Variants in CPE observed in about 807,000 individuals in gnomAD.
CPE encodes carbocypeptidase E.
Under a neutral mutation model 53.5 loss-of-function variants are expected in CPE, and 17 were observed. The ratio of observed to expected loss-of-function variants is 0.32; its 90% CI spans 0.22 to 0.48. The LOEUF (loss-of-function observed/expected upper bound fraction) is 0.48, where lower values mean the gene tolerates loss of function less well. Ranked by LOEUF, CPE falls within the 20% of genes least tolerant of loss-of-function variation. The pLI is 0.99. For synonymous variants in CPE, 226 were observed against 228.8 expected (o/e 0.99, Z 0.11); for missense variants, 524 against 614.7 (o/e 0.85, Z 1.56).
At chr4:165,494,714 A>G (rs1359474885) in intron 7 of CPE, among the ~76,000 whole-genome samples, 1 of 152,182 alleles carries the variant, frequency 6.6e-6, no homozygotes, top group African/African-American at 2.4e-5. Context: ...TTTTGCTATA[A>G]AGCAAAAAGA....
chr4:165,478,835 C>G (rs1318336514), intron 3 of CPE, among the ~76,000 whole-genome samples: 2 of 152,020 alleles, frequency 1.3e-5, no homozygotes, highest in Non-Finnish European at 2.9e-5. Context: ...TTTTCCTTAC[C>G]CCCGACAGAT....
At chr4:165,445,285 T>C (rs1731688295) in intron 1 of CPE, among the ~76,000 whole-genome samples, 1 of 136,820 alleles carries the variant, frequency 7.3e-6, no homozygotes, top group Admixed American at 7.2e-5. Context: ...TTTCCCTTTT[T>C]TTGTTTTTTT....
intron 1 of CPE, among the ~76,000 whole-genome samples, chr4:165,391,154 T>G (rs1018271286): frequency 2.0e-5 from 3 of 152,196 alleles, no homozygotes; most frequent in Admixed American, 6.5e-5. Flanking sequence ...GTTATTCTTG[T>G]TGCTGTTATT....
intron 1 of CPE, among the ~76,000 whole-genome samples, chr4:165,410,672 AG>A (rs1237222267): frequency 6.6e-6 from 1 of 152,214 alleles, no homozygotes; most frequent in Non-Finnish European, 1.5e-5. Context: ...CTCAAATGGA[AG>A]GTAGAATAAT....
chr4:165,383,323 G>T lies in CPE; in HGVS notation c.307+3795G>T, dbSNP rs1169530872. ...CTTATTTCCATGCTTAAGGACTCAC[G>T]TATTCAAACCCAAACATATGCCTTC... On this transcript the variant is annotated intron_variant, in intron 1 of 8. Coordinates refer to ENST00000402744, the MANE Select transcript of CPE (RefSeq NM_001873.4). Among the ~76,000 whole-genome samples the T allele has an allele frequency of 2.0e-5, 3 of 151,968 alleles. No homozygotes were observed. In the South Asian group the frequency reaches 6.2e-4, roughly 32 times the overall value.
chr4:165,438,099 C>G (rs1355429607), intron 1 of CPE, among the ~76,000 whole-genome samples: 2 of 152,106 alleles, frequency 1.3e-5, no homozygotes, highest in Non-Finnish European at 2.9e-5. Flanking sequence ...GGAAGGATAT[C>G]TGTGGATGAA....
intron 5 of CPE, among the ~76,000 whole-genome samples, chr4:165,485,620 G>A (rs1732494064): frequency 6.6e-6 from 1 of 152,086 alleles, no homozygotes; most frequent in South Asian, 2.1e-4. Flanking sequence ...TTATACTTTA[G>A]TTTTTATAAA....
At chr4:165,427,245 A>C (rs28655558) in intron 1 of CPE, among the ~76,000 whole-genome samples, 44,939 of 152,014 alleles carry the variant, frequency 0.3, 6,742 homozygotes, top group Middle Eastern at 0.39. Flanking sequence ...TGTTCTTTTG[A>C]TTGAAAGAAT....
intron 1 of CPE, among the ~76,000 whole-genome samples, chr4:165,458,112 G>C (rs916169956): frequency 6.6e-6 from 1 of 152,212 alleles, no homozygotes; most frequent in African/African-American, 2.4e-5. Flanking sequence ...TTAACCCCAG[G>C]TTTATCACTG....
intron 1 of CPE, among the ~76,000 whole-genome samples, chr4:165,434,217 GA>G (rs1246812720): frequency 6.6e-6 from 1 of 152,058 alleles, no homozygotes; most frequent in Non-Finnish European, 1.5e-5. Context: ...CAGGGTCAGG[GA>G]ACATGTGGGA....
At chr4:165,469,720 T>C (rs2126703970) in intron 3 of CPE, among the ~76,000 whole-genome samples, 1 of 152,328 alleles carries the variant, frequency 6.6e-6, no homozygotes, top group Non-Finnish European at 1.5e-5. Flanking sequence ...ATTCTAGAAT[T>C]TGATCACTTG....
chr4:165,486,208 T>TG (rs71602593), intron 5 of CPE, among the ~76,000 whole-genome samples: 33,656 of 151,158 alleles, frequency 0.22, 4,254 homozygotes, highest in Non-Finnish European at 0.29. Flanking sequence ...GGAAAAGGGG[T>TG]GGGGGGGTAG....
At chr4:165,452,585 G>A (rs1442712532) in intron 1 of CPE, among the ~76,000 whole-genome samples, 3 of 151,806 alleles carry the variant, frequency 2.0e-5, no homozygotes, top group Non-Finnish European at 4.4e-5. Context: ...TTTGTTTTTT[G>A]GGTTTTTTTT....
intron 2 of CPE, among the ~76,000 whole-genome samples, chr4:165,465,644 T>C (rs574129356): frequency 6.6e-6 from 1 of 152,050 alleles, no homozygotes; most frequent in East Asian, 1.9e-4. Context: ...ATACCGAAAA[T>C]TTATTAGTTT....
At chr4:165,470,306 C>G (rs1006645462) in intron 3 of CPE, among the ~76,000 whole-genome samples, 1 of 152,124 alleles carries the variant, frequency 6.6e-6, no homozygotes, top group African/African-American at 2.4e-5. Context: ...GTCTTTTCCC[C>G]TGATTCTTCC....
chr4:165,481,591 T>C (rs1221250940), intron 3 of CPE, among the ~76,000 whole-genome samples: 1 of 152,226 alleles, frequency 6.6e-6, no homozygotes, highest in East Asian at 1.9e-4. Flanking sequence ...TTTGTTTTGC[T>C]TCCAAGATAT....
At chr4:165,453,036 G>T (rs1731839817) in intron 1 of CPE, among the ~76,000 whole-genome samples, 1 of 151,926 alleles carries the variant, frequency 6.6e-6, no homozygotes, top group South Asian at 2.1e-4. Context: ...GAGTGCAGTG[G>T]CGCAATCTCA....
chr4:165,402,515 T>C (rs1053395552), intron 1 of CPE, among the ~76,000 whole-genome samples: 2 of 152,186 alleles, frequency 1.3e-5, no homozygotes, highest in Non-Finnish European at 2.9e-5. Flanking sequence ...AGATTCTTCT[T>C]GAATGACTTG....
At chr4:165,380,824 T>A (rs1356266520) in intron 1 of CPE, among the ~76,000 whole-genome samples, 1 of 152,202 alleles carries the variant, frequency 6.6e-6, no homozygotes, top group Non-Finnish European at 1.5e-5. Context: ...AATTCTAAGA[T>A]CAGATCCTAG....
Sources: allele counts gnomAD v4.1 joint callset (sites outside exome capture counted in the v4.1 genomes callset), GRCh38; gene constraint gnomAD v4.1.1; transcripts MANE v1.5; gene names NCBI Gene and HGNC (gene_info 2026-07-23, HGNC 2026-07-21).